The following MED27 variants were observed in gnomAD, a reference collection of about 807,000 sequenced individuals.
MED27 encodes the protein mediator of RNA polymerase II transcription subunit 27.
Under a neutral mutation model 38.2 loss-of-function variants are expected in MED27, and 30 were observed. That is an observed-to-expected ratio of 0.79 (90% CI 0.59 to 1.07). The LOEUF is 1.07. MED27 is among the 50% of genes least tolerant of loss of function. The pLI, the probability that MED27 is intolerant of heterozygous loss-of-function variation, is 0.00. For synonymous variants in MED27, 122 were observed against 153.5 expected (o/e 0.79, Z 1.52); for missense variants, 289 against 397.5 (o/e 0.73, Z 2.32).
chr9:131,877,437 G>A (rs1809519857), intron 6 of MED27, among the ~76,000 whole-genome samples: 1 of 152,100 alleles, frequency 6.6e-6, no homozygotes, highest in Admixed American at 6.5e-5. Flanking sequence ...TTAGCTGGGT[G>A]TGGCAGTGCA....
chr9:131,920,623 G>A (rs72761699), intron 4 of MED27, among the ~76,000 whole-genome samples: 9 of 152,118 alleles, frequency 5.9e-5, no homozygotes, highest in African/African-American at 1.2e-4. Context: ...TAAGTACAAC[G>A]AAAGAAAATA....
intron 2 of MED27, among the ~76,000 whole-genome samples, chr9:132,075,944 G>C (rs1006136649): frequency 6.6e-6 from 1 of 152,120 alleles, no homozygotes; most frequent in Non-Finnish European, 1.5e-5. Context: ...TGTGTTTCAG[G>C]TGCTCTGAGC....
At chr9:131,981,387 A>G (rs1213561355) in intron 3 of MED27, among the ~76,000 whole-genome samples, 1 of 152,212 alleles carries the variant, frequency 6.6e-6, no homozygotes, top group African/African-American at 2.4e-5. Flanking sequence ...ATGTGCTCAA[A>G]TGAAACTAAA....
At chr9:131,935,166 C>G (rs12336398) in intron 4 of MED27, among the ~76,000 whole-genome samples, 6,027 of 152,154 alleles carry the variant, frequency 0.04, 414 homozygotes, top group African/African-American at 0.14. Context: ...GATAGCACAA[C>G]AGGGTGACTA....
rs770303215 is a variant in MED27 at position 131,939,369 on chromosome 9, A to G, written c.573+12T>C. ...CCCCAACATCCCTACAAATCAGTCA[A>G]GCTGATCTTACCAGAAGCATTGCTG... On this transcript the variant is annotated intron_variant, in intron 4 of 7. Coordinates refer to ENST00000292035, the MANE Select transcript of MED27 (RefSeq NM_004269.4). 3.8e-6 allele frequency: 6 copies of G among 1,586,880 alleles called. No homozygotes were observed. Among genetic ancestry groups the G allele is most frequent in the Non-Finnish European group, 4.3e-6 (5 of 1,164,610 alleles).
At chr9:132,027,861 G>A (rs1392960077) in intron 2 of MED27, among the ~76,000 whole-genome samples, 1 of 152,162 alleles carries the variant, frequency 6.6e-6, no homozygotes. Flanking sequence ...ACATTCAGAT[G>A]CCCAAAGCTT....
intron 2 of MED27, among the ~76,000 whole-genome samples, chr9:132,076,659 T>C (rs1360665154): frequency 6.6e-6 from 1 of 152,098 alleles, no homozygotes; most frequent in African/African-American, 2.4e-5. Flanking sequence ...CACAGTATAA[T>C]AAAAGAGCTT....
intron 2 of MED27, among the ~76,000 whole-genome samples, chr9:132,066,854 G>GA (rs1355621832): frequency 6.6e-6 from 1 of 151,982 alleles, no homozygotes; most frequent in African/African-American, 2.4e-5. Context: ...GAAAGAAAAT[G>GA]AAAAAAATAA....
intron 4 of MED27, among the ~76,000 whole-genome samples, chr9:131,933,934 G>C (rs192661242): frequency 6.6e-6 from 1 of 152,176 alleles, no homozygotes; most frequent in East Asian, 1.9e-4. Flanking sequence ...AAGACACATA[G>C]ATCAATGGAA....
chr9:131,882,744 C>T (rs1415415802), intron 6 of MED27, among the ~76,000 whole-genome samples: 1 of 152,210 alleles, frequency 6.6e-6, no homozygotes, highest in African/African-American at 2.4e-5. Flanking sequence ...CCTACAAAGG[C>T]TTCCTCTGAC....
intron 4 of MED27, among the ~76,000 whole-genome samples, chr9:131,902,158 A>G (rs1199007407): frequency 1.3e-5 from 2 of 152,002 alleles, no homozygotes; most frequent in African/African-American, 4.8e-5. Context: ...TCATACACAC[A>G]CCACTGACCC....
chr9:132,024,003 C>G (rs1337876436), intron 2 of MED27, among the ~76,000 whole-genome samples: 2 of 152,104 alleles, frequency 1.3e-5, no homozygotes, highest in Non-Finnish European at 2.9e-5. Context: ...TCCAAGGAGG[C>G]ACCTGCTTTC....
intron 2 of MED27, among the ~76,000 whole-genome samples, chr9:132,076,561 G>A (rs2131174102): frequency 1.3e-5 from 2 of 152,156 alleles, no homozygotes; most frequent in South Asian, 4.2e-4. Context: ...CAGAAACGAG[G>A]AAAATGACAA....
At chr9:131,967,791 G>A (rs1000739113) in intron 3 of MED27, among the ~76,000 whole-genome samples, 1 of 150,306 alleles carries the variant, frequency 6.7e-6, no homozygotes, top group African/African-American at 2.5e-5. Flanking sequence ...GATTACAGGC[G>A]TGAGCCACTG....
At position 132,079,802 on chromosome 9, in the gene MED27, A is replaced by C; in HGVS notation, c.43T>G (p.Ser15Ala). Reference sequence around the variant, plus strand: ...GCCTGGATGGCACTAATGGCCTGGGAAAAGGCCTCCAGGTTCACACTGACA... The same window carrying C: ...GCCTGGATGGCACTAATGGCCTGGGCAAAGGCCTCCAGGTTCACACTGACA... ...INVSVNLEAFSQAISAIQALR... is the reference protein window; with the variant it reads ...INVSVNLEAFAQAISAIQALR... Residue 15 changes from serine to alanine, a missense_variant, in exon 1 of 8, where the codon TCC (serine) becomes GCC (alanine). Coordinates refer to ENST00000292035, the MANE Select transcript of MED27 (RefSeq NM_004269.4). The C allele has an allele frequency of 1.9e-6, 3 of 1,612,690 alleles. No homozygotes were observed. Among genetic ancestry groups the C allele is most frequent in the South Asian group, 2.2e-5 (2 of 90,890 alleles).
chr9:131,992,219 CAT>C (rs1364215872), intron 3 of MED27, among the ~76,000 whole-genome samples: 3 of 151,986 alleles, frequency 2.0e-5, no homozygotes, highest in African/African-American at 7.3e-5. Flanking sequence ...TTATAGGTGA[CAT>C]AATTTTATCT....
Position 131,860,555 on chromosome 9 carries a change from C to T in MED27, c.919G>A (p.Asp307Asn). Reference protein sequence around the residue: ...RDFRTLEAFHDTCRQ With the variant: ...RDFRTLEAFHNTCRQ Reference sequence around the variant, plus strand: ...CGTGGGGGCTACTGCCGGCAGGTGTCATGGAAGGCTTCGAGGGTTCGGAAA... The same window carrying T: ...CGTGGGGGCTACTGCCGGCAGGTGTTATGGAAGGCTTCGAGGGTTCGGAAA... The change falls in exon 8 of 8, where the codon GAC becomes AAC. Residue 307 changes from aspartate (D) to asparagine (N), a missense_variant. By Grantham distance (23) the Asp-to-Asn change is conservative. Transcript: ENST00000292035. The surrounding 1 kb of genome is among the most constrained non-coding windows in gnomAD (Gnocchi z 5.8). 2.6e-6 allele frequency: 4 copies of T among 1,549,572 alleles called. No homozygotes were observed. Among genetic ancestry groups the T allele is most frequent in the Non-Finnish European group, 2.6e-6 (3 of 1,147,524 alleles).
At chr9:132,037,141 G>A (rs1833096055) in intron 2 of MED27, among the ~76,000 whole-genome samples, 2 of 152,208 alleles carry the variant, frequency 1.3e-5, no homozygotes, top group African/African-American at 4.8e-5. Context: ...AACAGATGCT[G>A]CTGCTAGGAC....
chr9:131,886,784 T>G (rs1043793837), intron 5 of MED27, among the ~76,000 whole-genome samples: 2 of 152,236 alleles, frequency 1.3e-5, no homozygotes, highest in African/African-American at 2.4e-5. Flanking sequence ...GGGTTCGTAT[T>G]ACTTTCTCAG....
Sources: allele counts gnomAD v4.1 joint callset (sites outside exome capture counted in the v4.1 genomes callset), GRCh38; gene constraint gnomAD v4.1.1; non-coding constraint Gnocchi (gnomAD v3.1); transcripts MANE v1.5; gene names NCBI Gene and HGNC (gene_info 2026-07-23, HGNC 2026-07-21).